Variants in TMEM184A observed in about 807,000 individuals in gnomAD.
TMEM184A encodes transmembrane protein 184A.
TMEM184A carries 40 observed loss-of-function variants against 39.5 expected under a neutral mutation model. The ratio of observed to expected loss-of-function variants is 1.01; its 90% CI spans 0.79 to 1.32. The LOEUF is 1.32. Ranked by LOEUF, TMEM184A falls within the 40% of genes most tolerant of loss-of-function variation. The probability of loss-of-function intolerance (pLI) is 0.00; values close to 1 mark genes in which losing one functional copy is unlikely to be tolerated. For missense variants in TMEM184A, 603 were observed against 568.8 expected, an observed-to-expected ratio of 1.06 and a Z score of -0.61; for synonymous variants, 280 against 252.3, an observed-to-expected ratio of 1.11 and a Z score of -1.04.
At chr7:1,548,733 C>A (rs1375933989) in intron 6 of TMEM184A, 45 bp from the exon 7 acceptor site, 1 of 1,597,272 alleles carries the variant, frequency 6.3e-7, no homozygotes, top group Non-Finnish European at 8.5e-7. Context: ...CATGACCCCG[C>A]CACTGTCCCC....
intron 2 of TMEM184A, among the ~76,000 whole-genome samples, chr7:1,552,135 G>A (rs1784629000): frequency 6.6e-6 from 1 of 151,974 alleles, no homozygotes; most frequent in South Asian, 2.1e-4. Flanking sequence ...GCACCACCTT[G>A]CCTGGCTAAT....
chr7:1,550,951 G>A lies in TMEM184A; in HGVS notation c.251C>T (p.Pro84Leu). 1 of 1,613,546 alleles carries A rather than the reference G, an allele frequency of 6.2e-7. No individual in the cohort carries two copies. The highest frequency in any genetic ancestry group is 8.5e-7 in the Non-Finnish European group (1 of 1,179,914). The change falls in exon 3 of 9, where the codon CCA becomes CTA. Residue 84 changes from proline to leucine, a missense_variant. Transcript: ENST00000297477. ...IYLHLRSYTV[P>L]QEQRYIIRLL... is the part of the protein sequence containing the mutation. ...GCGGATGATGTAACGTTGCTCCTGT[G>A]GCACGGTGTAGGAGCGCAGGTGCAG...
intron 2 of TMEM184A, among the ~76,000 whole-genome samples, chr7:1,554,369 C>T (rs1473923358): frequency 1.3e-5 from 2 of 152,166 alleles, no homozygotes. Context: ...GCCCCGTGCA[C>T]CCGGGAAGCA....
At chr7:1,549,985 C>A (rs772116791) in intron 5 of TMEM184A, 40 bp from the exon 6 acceptor site, 10 of 1,607,248 alleles carry the variant, frequency 6.2e-6, no homozygotes, top group Non-Finnish European at 7.7e-6. Flanking sequence ...GGCCAGGTCC[C>A]CCAGGGGCCC....
intron 2 of TMEM184A, among the ~76,000 whole-genome samples, chr7:1,552,508 GT>G (rs5881901): frequency 0.23 from 31,832 of 135,538 alleles, 3,479 homozygotes; most frequent in African/African-American, 0.33. Flanking sequence ...TGTACAATAG[GT>G]TTTTTTTTTT....
chr7:1,555,196 C>G lies in TMEM184A; in HGVS notation c.219+70G>C. 7.5e-7 allele frequency: 1 copy of G among 1,335,100 alleles called. No individual in the cohort carries two copies. Among genetic ancestry groups the G allele is most frequent in the Admixed American group, 2.7e-5 (1 of 37,314 alleles). The allele number at this position is 1,335,100 out of a possible 1,614,324, so 82.7% of individuals were successfully genotyped here. ...CTATAGCAGCGGCACCCAGGGGGAC[C>G]GGGCTGAGCCACGGCCACGTCCTGT... On this transcript the variant is annotated intron_variant, in intron 2 of 8. Transcript: ENST00000297477. The surrounding 1 kb of genome is among the most constrained non-coding windows in gnomAD (Gnocchi z 5.2).
rs1784280167 is a variant in TMEM184A at position 1,544,469 on chromosome 7, CCT to C, written c.*2481_*2482del. On this transcript the variant is annotated 3_prime_UTR_variant, in exon 9 of 9. Transcript: ENST00000297477. ...GCTCCTGCCTGCCTCATGGCCTGCT[CCT>C]CTGTCGGGGCCTGTCACCGGGAAAC... The C allele has an allele frequency of 6.6e-6, 1 of 152,370 alleles. No homozygotes were observed. The highest frequency in any genetic ancestry group is 1.5e-5 in the Non-Finnish European group (1 of 68,136). The allele number at this position is 152,370 out of a possible 1,614,324, so 9.4% of individuals were successfully genotyped here. A position where few individuals can be genotyped will look rare whatever the true frequency, so the allele number is the denominator to read the frequency against.
Position 1,546,970 on chromosome 7 carries a change from G to A in TMEM184A, c.1224C>T (p.Ile408=), listed in dbSNP as rs374604250. Residue 408 remains isoleucine, a synonymous_variant, in exon 9 of 9, where the codon ATC becomes ATT. Coordinates refer to ENST00000297477, the MANE Select transcript of TMEM184A (RefSeq NM_001097620.2). ...KSRSLEKRML[I]PSEDL ...GGCCCCCCTACAGGTCCTCCGAGGG[G>A]ATCAGCATCCGCTTCTCCAGGCTCC... 5.0e-6 allele frequency: 8 copies of A among 1,589,912 alleles called. No individual in the cohort carries two copies. The highest frequency in any genetic ancestry group is 6.8e-6 in the Non-Finnish European group (8 of 1,174,050).
Position 1,547,878 on chromosome 7 carries a change from C to A in TMEM184A, c.876G>T (p.Gly292=), listed in dbSNP as rs754497158. 1.2e-6 allele frequency: 2 copies of A among 1,600,090 alleles called. No individual in the cohort carries two copies. Among genetic ancestry groups the A allele is most frequent in the South Asian group, 2.2e-5 (2 of 89,106 alleles). ...CCAGCGTGCCAGCCCCCAGCTTGTT[C>A]CCGCCGCTGGTCTCCACCTCCGGGA... ...GVIPEVETSG[G]NKLGAGTLAA... The change falls in exon 8 of 9, where the codon GGG becomes GGT. Residue 292 remains glycine (G), a synonymous_variant. Coordinates refer to ENST00000297477, the MANE Select transcript of TMEM184A (RefSeq NM_001097620.2).
intron 2 of TMEM184A, among the ~76,000 whole-genome samples, chr7:1,553,583 G>A (rs915744230): frequency 2.0e-5 from 3 of 152,192 alleles, no homozygotes; most frequent in Admixed American, 1.3e-4. Flanking sequence ...GCGTGGCGGT[G>A]GGCGAGCAGA....
At position 1,547,839 on chromosome 7, in the gene TMEM184A, C is replaced by G; in HGVS notation, c.915G>C (p.Gln305His). ...GCATCTCCACGCAGATGATGAAGTT[C>G]TGGTAGCCGGCGGCCAGCGTGCCAG... ...LGAGTLAAGYQNFIICVEMLF... is the reference protein window; with the variant it reads ...LGAGTLAAGYHNFIICVEMLF... The change falls in exon 8 of 9, where the codon CAG (glutamine) becomes CAC (histidine). Residue 305 changes from glutamine to histidine, a missense_variant. Transcript: ENST00000297477. 5.0e-6 allele frequency: 8 copies of G among 1,611,104 alleles called. No homozygotes were observed. The highest frequency in any genetic ancestry group is 6.8e-6 in the Non-Finnish European group (8 of 1,179,208).
At chr7:1,550,275 G>A (rs1232005113) in intron 4 of TMEM184A, 30 bp downstream of exon 4, 1 of 1,610,628 alleles carries the variant, frequency 6.2e-7, no homozygotes, top group African/African-American at 1.3e-5. Context: ...AGGTGTGTGG[G>A]GTGTGGGGGC....
In TMEM184A at chr7:1,550,166, C is replaced by G; in HGVS notation, c.509G>C (p.Arg170Pro). ...SSCLYGTCCLRGMTYSIGFLR... is the reference protein window; with the variant it reads ...SSCLYGTCCLPGMTYSIGFLR... Reference sequence around the variant, plus strand: ...GAACCCGATGGAGTAGGTCATGCCCCGGAGGCAGCAGGTGCCGTACAAGCA... The same window carrying G: ...GAACCCGATGGAGTAGGTCATGCCCGGGAGGCAGCAGGTGCCGTACAAGCA... Residue 170 changes from arginine to proline, a missense_variant, in exon 5 of 9, where the codon CGG becomes CCG. Arg to Pro is a moderately radical substitution (Grantham distance 103, BLOSUM62 -2). Coordinates refer to ENST00000297477, the MANE Select transcript of TMEM184A (RefSeq NM_001097620.2). The G allele has an allele frequency of 2.5e-6, 4 of 1,608,206 alleles. No homozygotes were observed. Among genetic ancestry groups the G allele is most frequent in the East Asian group, 2.2e-5 (1 of 44,636 alleles).
Position 1,543,692 on chromosome 7 carries a change from G to T in TMEM184A, c.*3260C>A. The T allele has an allele frequency of 6.6e-6, 1 of 152,638 alleles. No individual in the cohort carries two copies. Among genetic ancestry groups the T allele is most frequent in the South Asian group, 2.0e-4 (1 of 5,002 alleles). The allele number at this position is 152,638 out of a possible 1,614,324, so 9.5% of individuals were successfully genotyped here. On this transcript the variant is annotated 3_prime_UTR_variant, in exon 9 of 9. Transcript: ENST00000297477. ...CACCCAAGCTGGAGTGCAGGGGCGTGATCACAGTTCACTGCAGCCTCGACC... is the reference window on the plus strand; with the variant it reads ...CACCCAAGCTGGAGTGCAGGGGCGTTATCACAGTTCACTGCAGCCTCGACC...
rs757259610 is a variant in TMEM184A at position 1,555,046 on chromosome 7, C to T, written c.219+220G>A. 3.3e-5 allele frequency among the ~76,000 whole-genome samples: 5 copies of T among 152,052 alleles called. No individual in the cohort carries two copies. Among genetic ancestry groups the T allele is most frequent in the Admixed American group, 6.6e-5 (1 of 15,264 alleles). Reference sequence around the variant, plus strand: ...AGCCTGTGAAATAGCCAGGGGTGCCCGGTGGGCGCTCTGCCCTCAGCCTGG... The same window carrying T: ...AGCCTGTGAAATAGCCAGGGGTGCCTGGTGGGCGCTCTGCCCTCAGCCTGG... On this transcript the variant is annotated intron_variant, in intron 2 of 8. Transcript: ENST00000297477. This position sits in a 1 kb window ranked among gnomAD's most constrained non-coding sequence, Gnocchi z 5.2.
chr7:1,552,663 A>G (rs1784648953), intron 2 of TMEM184A, among the ~76,000 whole-genome samples: 2 of 152,228 alleles, frequency 1.3e-5, no homozygotes, highest in South Asian at 4.2e-4. Flanking sequence ...GAGAGGGGAC[A>G]CGTCCCGGTC....
intron 6 of TMEM184A, chr7:1,549,365 C>CAAGGGGTGAGCTGTGGGGACCT: frequency 2.6e-6 from 1 of 391,532 alleles, no homozygotes; most frequent in Non-Finnish European, 5.2e-6. Context: ...CGCAGGGGTC[C>CAAGGGGTGAGCTGTGGGGACCT]TCCTTGTGCT....
chr7:1,555,061 C>G lies in TMEM184A; in HGVS notation c.219+205G>C, dbSNP rs1383104897. On this transcript the variant is annotated intron_variant, in intron 2 of 8. Transcript: ENST00000297477. The surrounding 1 kb of genome is among the most constrained non-coding windows in gnomAD (Gnocchi z 5.2). The stretch of plus-strand genomic sequence containing the variant: ...CAGGGGTGCCCGGTGGGCGCTCTGC[C>G]CTCAGCCTGGCAGAGATCTCCCCAT... Among the ~76,000 whole-genome samples, 2 of 152,190 alleles carry G rather than the reference C, an allele frequency of 1.3e-5. No individual in the cohort carries two copies. The highest frequency in any genetic ancestry group is 2.9e-5 in the Non-Finnish European group (2 of 68,034).
chr7:1,550,273 G>A lies in TMEM184A; in HGVS notation c.476+32C>T, dbSNP rs1452173639. On this transcript the variant is annotated intron_variant, in intron 4 of 8. Coordinates refer to ENST00000297477, the MANE Select transcript of TMEM184A (RefSeq NM_001097620.2). ...GCCGGGCTCCCTGTCCCAGGTGTGT[G>A]GGGTGTGGGGGCTCTGGGGTGACGG... 5 of 1,610,570 alleles carry A rather than the reference G, an allele frequency of 3.1e-6. No homozygotes were observed. In the Admixed American group the frequency reaches 5.0e-5, roughly 16 times the overall value.
Sources: gnomAD v4.1 joint callset for allele counts (sites outside exome capture counted in the v4.1 genomes callset) on GRCh38, gnomAD v4.1.1 for gene constraint, Gnocchi (gnomAD v3.1) non-coding constraint, MANE v1.5 for transcripts, NCBI Gene and HGNC (gene_info 2026-07-23, HGNC 2026-07-21) for gene names.